Variants in CTNNA2 observed in about 807,000 individuals in gnomAD.
CTNNA2 encodes the protein catenin alpha 2.
CTNNA2 carries 42 observed loss-of-function variants against 101.0 expected under a neutral mutation model. The ratio of observed to expected loss-of-function variants is 0.42; its 90% CI spans 0.32 to 0.54. The LOEUF is 0.54. Ranked by LOEUF, CTNNA2 falls within the 20% of genes least tolerant of loss-of-function variation. CTNNA2 has a pLI of 0.14. For missense variants in CTNNA2, 871 were observed against 1,223.1 expected (o/e 0.71, Z 4.29); for synonymous variants, 450 against 456.4 (o/e 0.99, Z 0.18).
chr2:79,360,221 C>T (rs375750242), intron 3 of CTNNA2, among the ~76,000 whole-genome samples: 1 of 151,982 alleles, frequency 6.6e-6, no homozygotes, highest in Non-Finnish European at 1.5e-5. Context: ...GAGTGCCATT[C>T]GGAAAGTTCA....
intron 2 of CTNNA2, among the ~76,000 whole-genome samples, chr2:79,275,014 G>A (rs2104312885): frequency 6.6e-6 from 1 of 152,168 alleles, no homozygotes; most frequent in East Asian, 1.9e-4. Context: ...CACCCCAAAG[G>A]GAAGAGATAG....
intron 9 of CTNNA2, among the ~76,000 whole-genome samples, chr2:80,516,180 G>A (rs1689095062): frequency 6.6e-6 from 1 of 152,226 alleles, no homozygotes; most frequent in African/African-American, 2.4e-5. Context: ...TTTGTGTCCA[G>A]ACTGAGCTGA....
intron 8 of CTNNA2, among the ~76,000 whole-genome samples, chr2:80,416,365 T>A (rs1026643684): frequency 1.3e-5 from 2 of 152,210 alleles, no homozygotes; most frequent in African/African-American, 4.8e-5. Context: ...TTGTCAATTA[T>A]ACCTCAAGAA....
rs191597490 is a variant in CTNNA2, at chr2:80,255,463, T to A, written c.1057-137748T>A. ...TCTAAATGAGCTGTAATTGCTGGGC[T>A]TCAGTCCCATATTTATATTTTATAA... On this transcript the variant is annotated intron_variant, in intron 7 of 18. Coordinates refer to ENST00000402739, the MANE Select transcript of CTNNA2 (RefSeq NM_001282597.3). 2.7e-3 allele frequency among the ~76,000 whole-genome samples: 410 copies of A among 152,300 alleles called. 9 individuals are homozygous for A. The highest frequency in any genetic ancestry group is 0.017 in the Admixed American group (259 of 15,288).
At chr2:80,448,329 G>A (rs534992484) in intron 9 of CTNNA2, among the ~76,000 whole-genome samples, 5 of 152,294 alleles carry the variant, frequency 3.3e-5, no homozygotes, top group South Asian at 2.1e-4. Context: ...TATGTTCTCC[G>A]TTTCACTCTT....
chr2:80,556,232 G>C (rs373658226), intron 12 of CTNNA2, among the ~76,000 whole-genome samples: 5 of 152,108 alleles, frequency 3.3e-5, no homozygotes, highest in Non-Finnish European at 7.3e-5. Flanking sequence ...GTTTGAATTG[G>C]CTAAGAGACT....
At chr2:79,277,579 T>C (rs992927828) in intron 2 of CTNNA2, among the ~76,000 whole-genome samples, 9 of 152,114 alleles carry the variant, frequency 5.9e-5, no homozygotes, top group African/African-American at 1.9e-4. Flanking sequence ...GCCTATGTTA[T>C]GCTATTTAAT....
At chr2:80,070,775 A>G (rs2148777889) in intron 7 of CTNNA2, among the ~76,000 whole-genome samples, 1 of 151,190 alleles carries the variant, frequency 6.6e-6, no homozygotes, top group East Asian at 2.0e-4. Flanking sequence ...GTGTGAGCAG[A>G]CTCATACTCC....
intron 4 of CTNNA2, among the ~76,000 whole-genome samples, chr2:79,382,808 G>A (rs1470842747): frequency 6.6e-6 from 1 of 152,088 alleles, no homozygotes; most frequent in African/African-American, 2.4e-5. Flanking sequence ...TAGAGAGGGG[G>A]TTTCACTGTG....
chr2:79,828,851 C>T (rs1033713263), intron 3 of CTNNA2, among the ~76,000 whole-genome samples: 1 of 152,128 alleles, frequency 6.6e-6, no homozygotes, highest in Non-Finnish European at 1.5e-5. Flanking sequence ...TTTCACAGGC[C>T]CTCCAGGTGA....
intron 7 of CTNNA2, among the ~76,000 whole-genome samples, chr2:80,363,764 A>G (rs1838432): frequency 0.092 from 13,978 of 152,208 alleles, 1,072 homozygotes; most frequent in African/African-American, 0.21. Context: ...AAATATTTAA[A>G]ACCCCTGCTA....
At chr2:79,669,144 C>T (rs925494249) in intron 2 of CTNNA2, among the ~76,000 whole-genome samples, 2 of 152,156 alleles carry the variant, frequency 1.3e-5, no homozygotes, top group African/African-American at 2.4e-5. Context: ...CTTAGATATG[C>T]CCCACTTGGG....
At chr2:79,716,038 G>A (rs112253229) in intron 2 of CTNNA2, among the ~76,000 whole-genome samples, 2 of 151,530 alleles carry the variant, frequency 1.3e-5, no homozygotes, top group Non-Finnish European at 2.9e-5. Context: ...AAAAAAAAAG[G>A]CATTTTCAGA....
chr2:80,088,921 G>C (rs939979513), intron 7 of CTNNA2, among the ~76,000 whole-genome samples: 1 of 151,904 alleles, frequency 6.6e-6, no homozygotes, highest in Non-Finnish European at 1.5e-5. Flanking sequence ...TGCATATGAC[G>C]TTCCTACTCC....
chr2:80,511,253 T>G (rs565168724), intron 9 of CTNNA2, among the ~76,000 whole-genome samples: 29 of 152,290 alleles, frequency 1.9e-4, no homozygotes, highest in Admixed American at 5.9e-4. Flanking sequence ...AATGAGAGTT[T>G]TAGAGATGGA....
intron 7 of CTNNA2, among the ~76,000 whole-genome samples, chr2:79,968,696 A>G (rs1384121038): frequency 6.6e-6 from 1 of 152,212 alleles, no homozygotes; most frequent in Non-Finnish European, 1.5e-5. Context: ...CACACAAAAT[A>G]AAGATATACA....
chr2:79,497,917 A>G (rs1558682052), intron 4 of CTNNA2, among the ~76,000 whole-genome samples: 1 of 152,220 alleles, frequency 6.6e-6, no homozygotes, highest in Non-Finnish European at 1.5e-5. Context: ...GTATTGGCTT[A>G]TATAAAAGTA....
chr2:80,568,924 G>T (rs1031831403), intron 12 of CTNNA2, among the ~76,000 whole-genome samples: 1 of 152,094 alleles, frequency 6.6e-6, no homozygotes, highest in Non-Finnish European at 1.5e-5. Flanking sequence ...TTTTGTGTTT[G>T]TTTCTTGATA....
chr2:80,609,038 T>C (rs1698249551), intron 17 of CTNNA2, among the ~76,000 whole-genome samples: 1 of 151,780 alleles, frequency 6.6e-6, no homozygotes, highest in South Asian at 2.1e-4. Context: ...CTTGGCTTCT[T>C]CTCCTCCCTC....
Sources: allele counts gnomAD v4.1 joint callset (sites outside exome capture counted in the v4.1 genomes callset), GRCh38; gene constraint gnomAD v4.1.1; transcripts MANE v1.5; gene names NCBI Gene and HGNC (gene_info 2026-07-23, HGNC 2026-07-21).